Variants in AGPAT3 observed in about 807,000 individuals in gnomAD.
The protein encoded by AGPAT3 is 1-acylglycerol-3-phosphate O-acyltransferase 3.
AGPAT3 carries 5 observed loss-of-function variants against 47.3 expected under a neutral mutation model. That is an observed-to-expected ratio of 0.11 (90% confidence interval 0.06 to 0.22). AGPAT3 has a LOEUF of 0.22. Among genes scored for constraint, AGPAT3 ranks in the 10% least tolerant of loss-of-function variants. AGPAT3 has a pLI of 1.00. For missense variants in AGPAT3, 315 were observed against 493.0 expected, an observed-to-expected ratio of 0.64 and a Z score of 3.42; for synonymous variants, 212 against 208.3, an observed-to-expected ratio of 1.02 and a Z score of -0.15.
rs189700415 is a variant in AGPAT3, at chr21:43,921,887, C to T, written c.-49+17868C>T. ...CCACCCCAAGCTGGGTGTCTGGGGA[C>T]GGCGGGCCTGTCTCCCCCACCAAGG... On this transcript the variant is annotated intron_variant, in intron 2 of 9. Coordinates refer to ENST00000291572, the MANE Select transcript of AGPAT3 (RefSeq NM_020132.5). Among the ~76,000 whole-genome samples, 7 of 152,158 alleles carry T rather than the reference C, an allele frequency of 4.6e-5. No homozygotes were observed. In the East Asian group the frequency reaches 7.7e-4, roughly 17 times the overall value.
At chr21:43,916,122 T>C (rs2086723003) in intron 2 of AGPAT3, 1 of 152,234 alleles carries the variant, frequency 6.6e-6, no homozygotes. Flanking sequence ...TATTACTTGG[T>C]ATTGGTTGAA....
chr21:43,966,026 A>G (rs2000787), intron 3 of AGPAT3: 28,506 of 152,236 alleles, frequency 0.19, 2,897 homozygotes, highest in African/African-American at 0.27. Context: ...GGAATTTCAT[A>G]TCGGGCCCAG....
At chr21:43,895,000 T>C (rs1486066898) in intron 1 of AGPAT3, among the ~76,000 whole-genome samples, 1 of 152,208 alleles carries the variant, frequency 6.6e-6, no homozygotes, top group Non-Finnish European at 1.5e-5. Flanking sequence ...TTCTATCTTA[T>C]TAATTTCTGA....
intron 1 of AGPAT3, among the ~76,000 whole-genome samples, chr21:43,881,338 G>A (rs138608545): frequency 2.0e-3 from 297 of 152,284 alleles, no homozygotes; most frequent in African/African-American, 7.0e-3. Context: ...ACTTTAGAAG[G>A]CAAAGGGTTG....
chr21:43,913,930 A>G (rs915445247), intron 2 of AGPAT3, among the ~76,000 whole-genome samples: 3 of 152,252 alleles, frequency 2.0e-5, no homozygotes, highest in African/African-American at 4.8e-5. Context: ...TCAAAGTCCA[A>G]TGCATACAAA....
At chr21:43,893,421 A>G (rs2086143666) in intron 1 of AGPAT3, among the ~76,000 whole-genome samples, 1 of 152,230 alleles carries the variant, frequency 6.6e-6, no homozygotes, top group East Asian at 1.9e-4. Flanking sequence ...TCTCCATATC[A>G]GCAATAACGC....
intron 2 of AGPAT3, among the ~76,000 whole-genome samples, chr21:43,949,942 A>G (rs1036884443): frequency 2.6e-5 from 4 of 152,276 alleles, no homozygotes; most frequent in Middle Eastern, 3.4e-3. Flanking sequence ...CTGGGCTGCA[A>G]ACTTGCATCC....
intron 1 of AGPAT3, among the ~76,000 whole-genome samples, chr21:43,870,451 C>T (rs944114282): frequency 1.3e-5 from 2 of 152,018 alleles, no homozygotes; most frequent in African/African-American, 4.8e-5. Context: ...GTGGTTCACA[C>T]CTGTAATGCC....
chr21:43,869,903 A>G (rs528403838), intron 1 of AGPAT3, among the ~76,000 whole-genome samples: 5 of 152,334 alleles, frequency 3.3e-5, no homozygotes, highest in African/African-American at 1.2e-4. Flanking sequence ...GTGGGGCCTC[A>G]CTGTGTTGCC....
intron 3 of AGPAT3, chr21:43,960,707 C>T (rs1191073814): frequency 8.1e-6 from 8 of 984,976 alleles, no homozygotes; most frequent in Non-Finnish European, 7.2e-6. Context: ...GGACCCTCTG[C>T]GGCCATCATG....
At chr21:43,872,619 C>T (rs939520631) in intron 1 of AGPAT3, among the ~76,000 whole-genome samples, 8 of 152,224 alleles carry the variant, frequency 5.3e-5, no homozygotes, top group Non-Finnish European at 1.0e-4. Flanking sequence ...TGGGGATTTT[C>T]TCAGTAGACA....
At chr21:43,946,410 G>T (rs1036006858) in intron 2 of AGPAT3, among the ~76,000 whole-genome samples, 3 of 152,090 alleles carry the variant, frequency 2.0e-5, no homozygotes, top group Non-Finnish European at 4.4e-5. Flanking sequence ...GATCAGCCTG[G>T]CCAACATGGC....
intron 2 of AGPAT3, among the ~76,000 whole-genome samples, chr21:43,943,295 C>T (rs564914084): frequency 1.3e-5 from 2 of 152,260 alleles, no homozygotes; most frequent in Admixed American, 1.3e-4. Flanking sequence ...AGGATGATCT[C>T]GATCTCCTGA....
At chr21:43,887,257 A>G (rs139900224) in intron 1 of AGPAT3, among the ~76,000 whole-genome samples, 3 of 152,344 alleles carry the variant, frequency 2.0e-5, no homozygotes, top group African/African-American at 4.8e-5. Flanking sequence ...AATATTCACC[A>G]TCTTCCTGCC....
chr21:43,895,252 A>G (rs899783326), intron 1 of AGPAT3, among the ~76,000 whole-genome samples: 10 of 151,460 alleles, frequency 6.6e-5, no homozygotes, highest in Admixed American at 4.6e-4. Context: ...CTACAGGTGC[A>G]TGCCACCATG....
chr21:43,950,492 T>C (rs1218131518), intron 2 of AGPAT3, among the ~76,000 whole-genome samples: 2 of 152,254 alleles, frequency 1.3e-5, no homozygotes, highest in African/African-American at 4.8e-5. Flanking sequence ...TCATCTAAAA[T>C]TTTAGTTGAA....
intron 1 of AGPAT3, among the ~76,000 whole-genome samples, chr21:43,875,132 C>T (rs1218629826): frequency 1.3e-5 from 2 of 152,276 alleles, no homozygotes; most frequent in South Asian, 2.1e-4. Flanking sequence ...AGGCGCCCAC[C>T]ACCACGCCTG....
rs1569087025 is a variant in AGPAT3, at chr21:43,954,202, A to C, written c.-48-5432A>C. Among the ~76,000 whole-genome samples, 1 of 152,224 alleles carries C rather than the reference A, an allele frequency of 6.6e-6. No individual in the cohort carries two copies. The highest frequency in any genetic ancestry group is 1.5e-5 in the Non-Finnish European group (1 of 68,026). ...CTGGAGGCGGGGACCGGTGTGGCCA[A>C]GCAGGGCACCTTCCTCACCGTCACC... On this transcript the variant is annotated intron_variant, in intron 2 of 9. Coordinates refer to ENST00000291572, the MANE Select transcript of AGPAT3 (RefSeq NM_020132.5). The surrounding 1 kb of genome is among the most constrained non-coding windows in gnomAD (Gnocchi z 4.0).
In AGPAT3 at chr21:43,985,221, C is replaced by G. The variant is rs2030149655; in HGVS notation, c.*2829C>G. 4.4e-6 allele frequency: 2 copies of G among 456,314 alleles called. No homozygotes were observed. The highest frequency in any genetic ancestry group is 3.1e-5 in the South Asian group (2 of 64,566). The allele number at this position is 456,314 out of a possible 1,614,324, so 28.3% of individuals were successfully genotyped here. On this transcript the variant is annotated 3_prime_UTR_variant, in exon 10 of 10. Coordinates refer to ENST00000291572, the MANE Select transcript of AGPAT3 (RefSeq NM_020132.5). ...AGGATGCCATTGCTGTCTTCATCGT[C>G]TTCCCCCGTGTGAGACACTGGTTGT...
Sources: gnomAD v4.1 joint callset for allele counts (sites outside exome capture counted in the v4.1 genomes callset) on GRCh38, gnomAD v4.1.1 for gene constraint, Gnocchi (gnomAD v3.1) non-coding constraint, MANE v1.5 for transcripts, NCBI Gene and HGNC (gene_info 2026-07-23, HGNC 2026-07-21) for gene names.